PDE6G: variants seen among roughly 807,000 people sequenced by gnomAD.
PDE6G encodes phosphodiesterase 6G.
PDE6G carries 10 observed loss-of-function variants against 10.9 expected under a neutral mutation model. The observed-to-expected ratio is 0.91, with a 90% CI of 0.56 to 1.55. The LOEUF is 1.55. Ranked by LOEUF, PDE6G falls within the 40% of genes most tolerant of loss-of-function variation. The probability of loss-of-function intolerance (pLI) is 0.00; values close to 1 mark genes in which losing one functional copy is unlikely to be tolerated. For missense variants in PDE6G, 102 were observed against 110.1 expected (o/e 0.93, Z 0.33); for synonymous variants, 41 against 42.8 (o/e 0.96, Z 0.16).
upstream of PDE6G, among the ~76,000 whole-genome samples, chr17:81,660,520 G>A (rs889559442): frequency 6.6e-6 from 1 of 152,170 alleles, no homozygotes; most frequent in Admixed American, 6.6e-5. Context: ...TGTGTATAAA[G>A]ACTATAAACT....
rs1200688058 is a variant in PDE6G, at chr17:81,653,392, G to C, written c.-59-28C>G. On this transcript the variant is annotated intron_variant, in intron 1 of 3. Transcript: ENST00000331056. This position sits in a 1 kb window ranked among gnomAD's most constrained non-coding sequence, Gnocchi z 5.2. Reference sequence around the variant, plus strand: ...GGGGGCAGACCAGGCCCGGGTCCCAGTCAGCCCTCCTGCTTCCAACCCTTG... The same window carrying C: ...GGGGGCAGACCAGGCCCGGGTCCCACTCAGCCCTCCTGCTTCCAACCCTTG... 1 of 1,507,212 alleles carries C rather than the reference G, an allele frequency of 6.6e-7. No homozygotes were observed. The highest frequency in any genetic ancestry group is 1.4e-5 in the African/African-American group (1 of 73,072). The allele number at this position is 1,507,212 out of a possible 1,614,324, so 93.4% of individuals were successfully genotyped here.
At chr17:81,660,248 C>T (rs917056444), upstream of PDE6G, among the ~76,000 whole-genome samples, 2 of 151,968 alleles carry the variant, frequency 1.3e-5, no homozygotes, top group Admixed American at 6.6e-5. Context: ...CCTGTCTCTA[C>T]TAAAAATACA....
chr17:81,657,414 C>G (rs1481912809), upstream of PDE6G, among the ~76,000 whole-genome samples: 1 of 152,240 alleles, frequency 6.6e-6, no homozygotes, highest in Non-Finnish European at 1.5e-5. Context: ...CTGCGGATCC[C>G]AAAGTTTTAG....
rs1418533359 is a variant in PDE6G at position 81,651,260 on chromosome 17, G to A, written c.188-110C>T. 1.3e-6 allele frequency: 1 copy of A among 790,518 alleles called. No individual in the cohort carries two copies. Among genetic ancestry groups the A allele is most frequent in the African/African-American group, 1.7e-5 (1 of 58,974 alleles). 49.0% of individuals were successfully genotyped at this position (790,518 alleles called of 1,614,324 possible). A position where few individuals can be genotyped will look rare whatever the true frequency, so the allele number is the denominator to read the frequency against. On this transcript the variant is annotated intron_variant, in intron 3 of 3. Transcript: ENST00000331056. This position sits in a 1 kb window ranked among gnomAD's most constrained non-coding sequence, Gnocchi z 4.8. ...CAGGTGTAGCCCTACAGTGTGCTGAGCGGGGACGTGCGGACGCTGGAGTGG... is the reference window on the plus strand; with the variant it reads ...CAGGTGTAGCCCTACAGTGTGCTGAACGGGGACGTGCGGACGCTGGAGTGG...
intron 1 of PDE6G, among the ~76,000 whole-genome samples, chr17:81,661,802 G>A (rs1282242399): frequency 6.7e-6 from 1 of 148,496 alleles, no homozygotes; most frequent in Non-Finnish European, 1.5e-5. Flanking sequence ...AGAGGTTGCA[G>A]TGAGCCCGAG....
At chr17:81,659,395 T>A (rs1021645604), upstream of PDE6G, among the ~76,000 whole-genome samples, 1 of 151,908 alleles carries the variant, frequency 6.6e-6, no homozygotes, top group African/African-American at 2.4e-5. Context: ...GGTCAGGAGT[T>A]TGAGACCGGC....
At chr17:81,661,685 G>C (rs12942988) in intron 1 of PDE6G, among the ~76,000 whole-genome samples, 13,275 of 151,938 alleles carry the variant, frequency 0.087, 829 homozygotes, top group East Asian at 0.22. Flanking sequence ...GATGGTGAAA[G>C]CCCGTTGCTA....
chr17:81,652,512 C>T (rs1403643106), intron 2 of PDE6G, among the ~76,000 whole-genome samples: 4 of 151,928 alleles, frequency 2.6e-5, no homozygotes, highest in Admixed American at 6.6e-5. Flanking sequence ...CTCCTGACCT[C>T]GTGATCCGCC....
At position 81,651,782 on chromosome 17, in the gene PDE6G, T is replaced by C. The variant is rs2036360462; in HGVS notation, c.147-97A>G. On this transcript the variant is annotated intron_variant, in intron 2 of 3. Transcript: ENST00000331056. This position sits in a 1 kb window ranked among gnomAD's most constrained non-coding sequence, Gnocchi z 4.8. The stretch of plus-strand genomic sequence containing the variant: ...TCTCTAGCCTTCCTAGGAGATGAGG[T>C]GTTTGGCTGGGAGCCCAGTGGGCAG... 1.5e-6 allele frequency: 2 copies of C among 1,377,898 alleles called. No individual in the cohort carries two copies. Among genetic ancestry groups the C allele is most frequent in the Non-Finnish European group, 2.0e-6 (2 of 985,888 alleles). The allele number at this position is 1,377,898 out of a possible 1,614,324, so 85.4% of individuals were successfully genotyped here.
chr17:81,662,503 G>A (rs1305928228), intron 1 of PDE6G, among the ~76,000 whole-genome samples: 1 of 151,980 alleles, frequency 6.6e-6, no homozygotes. Context: ...CACGCCTGTA[G>A]TCCCAGCTAC....
chr17:81,651,142 C>T lies in PDE6G; in HGVS notation c.196G>A (p.Val66Ile). 2 of 1,613,058 alleles carry T rather than the reference C, an allele frequency of 1.2e-6. No homozygotes were observed. The highest frequency in any genetic ancestry group is 1.7e-6 in the Non-Finnish European group (2 of 1,179,044). Residue 66 changes from valine (V) to isoleucine (I), a missense_variant, in exon 4 of 4, where the codon GTC becomes ATC. Val to Ile is a conservative substitution (Grantham distance 29). Transcript: ENST00000331056. The surrounding 1 kb of genome is among the most constrained non-coding windows in gnomAD (Gnocchi z 4.8). ...TTGAAGGCCTCCCAAGGGCAGATGA[C>T]TGTGATGTCTGTGGGAGAAACGGGC... is the stretch of plus-strand genomic sequence containing the variant. The part of the protein sequence containing the change: ...GMEGLGTDIT[V>I]ICPWEAFNHL...
chr17:81,662,030 C>CA (rs1294222666), intron 1 of PDE6G, among the ~76,000 whole-genome samples: 21 of 151,534 alleles, frequency 1.4e-4, no homozygotes, highest in Admixed American at 7.9e-4. Flanking sequence ...GACTCTGTCT[C>CA]AAAAAAAAGA....
upstream of PDE6G, among the ~76,000 whole-genome samples, chr17:81,660,849 A>G (rs964123567): frequency 6.6e-6 from 1 of 152,180 alleles, no homozygotes; most frequent in African/African-American, 2.4e-5. Flanking sequence ...CAGGCTAAGC[A>G]GATTCTGTGT....
chr17:81,650,738 TCTGGGGTCCAGCAGGCTCCCGGG>T lies in PDE6G; in HGVS notation c.*313_*335del. On this transcript the variant is annotated 3_prime_UTR_variant, in exon 4 of 4. Transcript: ENST00000331056. ...CTTTCCAGCTGGGAGGAGGGGACGA[TCTGGGGTCCAGCAGGCTCCCGGG>T]CTGGGGTCCACTTCCCGTTCTCCCT... 1 of 470,098 alleles carries T rather than the reference TCTGGGGTCCAGCAGGCTCCCGGG, an allele frequency of 2.1e-6. No individual in the cohort carries two copies. The highest frequency in any genetic ancestry group is 4.2e-6 in the Non-Finnish European group (1 of 236,752). The allele number at this position is 470,098 out of a possible 1,614,324, so 29.1% of individuals were successfully genotyped here. A position where few individuals can be genotyped will look rare whatever the true frequency, so the allele number is the denominator to read the frequency against.
rs371945616 is a variant in PDE6G at position 81,651,068 on chromosome 17, C to G, written c.*6G>C. On this transcript the variant is annotated 3_prime_UTR_variant, in exon 4 of 4. Coordinates refer to ENST00000331056, the MANE Select transcript of PDE6G (RefSeq NM_002602.4). The surrounding 1 kb of genome is among the most constrained non-coding windows in gnomAD (Gnocchi z 4.8). Reference sequence around the variant, plus strand: ...GGGAGGGTCTGGACTTCAGCAGGGCCTCGTGCTAGATGATGCCATATTGGG... The same window carrying G: ...GGGAGGGTCTGGACTTCAGCAGGGCGTCGTGCTAGATGATGCCATATTGGG... 1.2e-4 allele frequency: 198 copies of G among 1,607,462 alleles called. No homozygotes were observed. In the African/African-American group the frequency reaches 2.5e-3, roughly 20 times the overall value.
At chr17:81,657,964 G>C (rs184455282), upstream of PDE6G, among the ~76,000 whole-genome samples, 1 of 152,256 alleles carries the variant, frequency 6.6e-6, no homozygotes, top group East Asian at 1.9e-4. Context: ...CGCTTTGGGA[G>C]GCTGAGGCAG....
chr17:81,663,017 G>C (rs2036528032), intron 1 of PDE6G: 4 of 152,212 alleles, frequency 2.6e-5, no homozygotes, highest in Admixed American at 1.3e-4. Flanking sequence ...GGGCGACTTG[G>C]TGGGGAGTGG....
upstream of PDE6G, among the ~76,000 whole-genome samples, chr17:81,661,180 A>T (rs1356845185): frequency 6.6e-6 from 1 of 152,192 alleles, no homozygotes; most frequent in Non-Finnish European, 1.5e-5. Context: ...GTTTACGACC[A>T]ACTTGGGCAA....
In PDE6G at chr17:81,651,511, T is replaced by C. The variant is rs1206446620; in HGVS notation, c.187+134A>G. The stretch of plus-strand genomic sequence containing the variant: ...AGCTCAGTGTTGGGGGAAGAAGTGA[T>C]GGACAGGCTGGGGGTCCCTAAGTGA... On this transcript the variant is annotated intron_variant, in intron 3 of 3. Coordinates refer to ENST00000331056, the MANE Select transcript of PDE6G (RefSeq NM_002602.4). The surrounding 1 kb of genome is among the most constrained non-coding windows in gnomAD (Gnocchi z 4.8). 5 of 764,986 alleles carry C rather than the reference T, an allele frequency of 6.5e-6. No individual in the cohort carries two copies. In the African/African-American group the frequency reaches 9.2e-5, roughly 14 times the overall value. 47.4% of individuals were successfully genotyped at this position (764,986 alleles called of 1,614,324 possible). A position where few individuals can be genotyped will look rare whatever the true frequency, so the allele number is the denominator to read the frequency against.
Sources: allele counts gnomAD v4.1 joint callset (sites outside exome capture counted in the v4.1 genomes callset), GRCh38; gene constraint gnomAD v4.1.1; non-coding constraint Gnocchi (gnomAD v3.1); transcripts MANE v1.5; gene names NCBI Gene and HGNC (gene_info 2026-07-23, HGNC 2026-07-21).